The following PGPEP1L variants were observed in gnomAD, a reference collection of about 807,000 sequenced individuals.
PGPEP1L encodes the protein pyroglutamyl-peptidase 1-like protein.
In PGPEP1L, 7 loss-of-function variants were observed where a neutral mutation model predicts 6.0. The observed-to-expected ratio is 1.17, with a 90% confidence interval of 0.66 to 2.19. The LOEUF (loss-of-function observed/expected upper bound fraction) is 2.19, where lower values mean the gene tolerates loss of function less well. PGPEP1L is among the 30% of genes most tolerant of loss of function. The pLI is 0.00. For missense variants in PGPEP1L, 209 were observed against 192.5 expected (o/e 1.09, Z -0.51); for synonymous variants, 103 against 83.9 (o/e 1.23, Z -1.24).
intron 2 of PGPEP1L, among the ~76,000 whole-genome samples, chr15:98,974,543 ACTG>A (rs1371744873): frequency 6.6e-6 from 1 of 152,244 alleles, no homozygotes; most frequent in South Asian, 2.1e-4. Flanking sequence ...TGATGGCTTC[ACTG>A]CTGAATTCTA....
chr15:98,981,948 T>C (rs1366933612), intron 2 of PGPEP1L, among the ~76,000 whole-genome samples: 2 of 152,186 alleles, frequency 1.3e-5, no homozygotes, highest in Non-Finnish European at 2.9e-5. Context: ...GGACCCACAG[T>C]AACATCCGGG....
At chr15:98,970,447 A>G (rs1888057794) in intron 3 of PGPEP1L, among the ~76,000 whole-genome samples, 1 of 151,920 alleles carries the variant, frequency 6.6e-6, no homozygotes, top group South Asian at 2.1e-4. Flanking sequence ...TTTTTGAAAA[A>G]TAGCTGCCCA....
intron 2 of PGPEP1L, among the ~76,000 whole-genome samples, chr15:98,980,443 G>A (rs952978991): frequency 3.8e-5 from 2 of 52,136 alleles, no homozygotes; most frequent in African/African-American, 1.1e-4. Context: ...CTGATCTAAT[G>A]AAATGACTAC....
chr15:98,987,759 A>T (rs1279799365), intron 2 of PGPEP1L, among the ~76,000 whole-genome samples: 1 of 152,158 alleles, frequency 6.6e-6, no homozygotes, highest in African/African-American at 2.4e-5. Flanking sequence ...AAGGCAGGTG[A>T]TTTCTGCATT....
In PGPEP1L at chr15:98,968,430, C is replaced by CAT. The variant is rs756529355; in HGVS notation, c.*46_*47dup. On this transcript the variant is annotated 3_prime_UTR_variant, in exon 5 of 5. Transcript: ENST00000535714. The stretch of plus-strand genomic sequence containing the variant: ...TTTCTCAATGCACAGTTGAGTGCTA[C>CAT]ATACAGGATTGAAACATTCAATTTT... 2.6e-6 allele frequency: 4 copies of CAT among 1,561,900 alleles called. No individual in the cohort carries two copies. Among genetic ancestry groups the CAT allele is most frequent in the Non-Finnish European group, 3.5e-6 (4 of 1,145,054 alleles).
intron 2 of PGPEP1L, among the ~76,000 whole-genome samples, chr15:98,980,102 C>G (rs970788319): frequency 6.6e-6 from 1 of 152,090 alleles, no homozygotes; most frequent in African/African-American, 2.4e-5. Flanking sequence ...TTGGGTGATG[C>G]TGCACCAAAA....
chr15:98,974,199 C>T (rs561847821), intron 2 of PGPEP1L, among the ~76,000 whole-genome samples: 92 of 151,686 alleles, frequency 6.1e-4, no homozygotes, highest in African/African-American at 2.2e-3. Context: ...CAACATGGCA[C>T]GAACCCGTCT....
At chr15:98,977,762 G>C (rs2017591543) in intron 2 of PGPEP1L, among the ~76,000 whole-genome samples, 1 of 152,108 alleles carries the variant, frequency 6.6e-6, no homozygotes, top group African/African-American at 2.4e-5. Flanking sequence ...TATTGAGAGG[G>C]GTACTGAAAT....
chr15:98,990,010 A>G (rs2151762381), intron 2 of PGPEP1L, among the ~76,000 whole-genome samples: 1 of 152,342 alleles, frequency 6.6e-6, no homozygotes, highest in East Asian at 1.9e-4. Context: ...ACCACCGGTA[A>G]CAGCCACTGC....
intron 2 of PGPEP1L, among the ~76,000 whole-genome samples, chr15:99,001,503 T>C (rs2593052): frequency 0.93 from 141,892 of 152,164 alleles, 66,189 homozygotes; most frequent in South Asian, 0.94. Flanking sequence ...ATATGTAACT[T>C]CGTGACTATA....
At chr15:99,006,664 TA>T (rs2018069654) in intron 1 of PGPEP1L, among the ~76,000 whole-genome samples, 1 of 152,122 alleles carries the variant, frequency 6.6e-6, no homozygotes, top group Non-Finnish European at 1.5e-5. Flanking sequence ...CTGCATCAAT[TA>T]TTTTTTTCAA....
At chr15:98,980,162 G>C (rs548944228) in intron 2 of PGPEP1L, among the ~76,000 whole-genome samples, 2 of 152,220 alleles carry the variant, frequency 1.3e-5, no homozygotes, top group African/African-American at 2.4e-5. Flanking sequence ...AATACCACCT[G>C]TTCCCCAAAA....
intron 2 of PGPEP1L, among the ~76,000 whole-genome samples, chr15:99,003,706 G>A (rs1278721173): frequency 6.8e-6 from 1 of 148,134 alleles, no homozygotes; most frequent in Non-Finnish European, 1.5e-5. Flanking sequence ...AATCCAGCGG[G>A]CATTCCCAAA....
chr15:98,995,779 C>T (rs2017879274), intron 2 of PGPEP1L, among the ~76,000 whole-genome samples: 1 of 152,118 alleles, frequency 6.6e-6, no homozygotes, highest in South Asian at 2.1e-4. Flanking sequence ...ATCTATCACG[C>T]CCAAAAAACC....
At chr15:98,997,549 C>T (rs2017904775) in intron 2 of PGPEP1L, among the ~76,000 whole-genome samples, 1 of 152,154 alleles carries the variant, frequency 6.6e-6, no homozygotes, top group Non-Finnish European at 1.5e-5. Context: ...TCCTCAAGGC[C>T]TGTCTGAGGT....
At chr15:98,982,551 G>A (rs1025173813) in intron 2 of PGPEP1L, among the ~76,000 whole-genome samples, 8 of 152,116 alleles carry the variant, frequency 5.3e-5, no homozygotes, top group African/African-American at 1.7e-4. Context: ...TTATCCAACC[G>A]TGGAGGCCAA....
At chr15:98,975,088 A>T (rs1305607236) in intron 2 of PGPEP1L, among the ~76,000 whole-genome samples, 3 of 152,236 alleles carry the variant, frequency 2.0e-5, no homozygotes, top group African/African-American at 7.2e-5. Flanking sequence ...GAATGAATGA[A>T]TGAATGGATA....
At chr15:98,978,734 T>TCA (rs1567236416) in intron 2 of PGPEP1L, among the ~76,000 whole-genome samples, 13 of 128,442 alleles carry the variant, frequency 1.0e-4, no homozygotes, top group Non-Finnish European at 1.7e-4. Context: ...ATATTTTTTT[T>TCA]TTTTTTTTTT....
intron 2 of PGPEP1L, among the ~76,000 whole-genome samples, chr15:98,984,658 C>G (rs1395117347): frequency 6.6e-6 from 1 of 152,122 alleles, no homozygotes; most frequent in Non-Finnish European, 1.5e-5. Context: ...TATACTGGCA[C>G]TTTCAGTGGG....
Sources: gnomAD v4.1 joint callset for allele counts (sites outside exome capture counted in the v4.1 genomes callset) on GRCh38, gnomAD v4.1.1 for gene constraint, MANE v1.5 for transcripts, NCBI Gene and HGNC (gene_info 2026-07-23, HGNC 2026-07-21) for gene names.